The following MGST1 variants were observed in gnomAD, a reference collection of about 807,000 sequenced individuals.
The protein encoded by MGST1 is glutathione S-transferase 12.
MGST1 carries 5 observed loss-of-function variants against 8.9 expected under a neutral mutation model. The ratio of observed to expected loss-of-function variants is 0.56; its 90% confidence interval spans 0.29 to 1.19. The LOEUF (loss-of-function observed/expected upper bound fraction) is 1.19. Ranked by LOEUF, MGST1 falls within the 50% of genes most tolerant of loss-of-function variation. The probability of loss-of-function intolerance (pLI) is 0.08; values close to 1 mark genes in which losing one functional copy is unlikely to be tolerated. For synonymous variants in MGST1, 54 were observed against 67.8 expected (o/e 0.80, Z 1.00); for missense variants, 182 against 187.4 (o/e 0.97, Z 0.17).
intron 3 of MGST1, among the ~76,000 whole-genome samples, chr12:16,372,057 C>G (rs1940302356): frequency 6.6e-6 from 1 of 151,982 alleles, no homozygotes; most frequent in African/African-American, 2.4e-5. Flanking sequence ...AAGCTTAAAT[C>G]TAAGACCTGA....
chr12:16,431,610 G>A (rs543690021), intron 1 of MGST1, among the ~76,000 whole-genome samples: 3 of 152,158 alleles, frequency 2.0e-5, no homozygotes, highest in Admixed American at 6.5e-5. Flanking sequence ...TTGTATGGGC[G>A]CAGTTCACTG....
chr12:16,452,897 G>A (rs1007248660), intron 4 of MGST1, among the ~76,000 whole-genome samples: 23 of 151,844 alleles, frequency 1.5e-4, no homozygotes, highest in African/African-American at 5.6e-4. Flanking sequence ...ATAAAAAGAT[G>A]TGCCTAAATT....
chr12:16,439,968 C>G (rs370852716), downstream of MGST1, among the ~76,000 whole-genome samples: 1 of 151,692 alleles, frequency 6.6e-6, no homozygotes. Context: ...TCTATCAGCT[C>G]CCAGAAAATG....
chr12:16,369,091 A>C (rs746964503), downstream of MGST1, among the ~76,000 whole-genome samples: 8 of 151,998 alleles, frequency 5.3e-5, no homozygotes, highest in Non-Finnish European at 7.4e-5. This position sits in a 1 kb window ranked among gnomAD's most constrained non-coding sequence, Gnocchi z 4.8. Context: ...AAAACCACCC[A>C]AAATAAAGAG....
Position 16,357,716 on chromosome 12 carries a change from T to G in MGST1, c.221+17T>G. On this transcript the variant is annotated intron_variant, in intron 3 of 3. Transcript: ENST00000396210. ...TGTACGCAGGTAAACCAGTGTCTCT[T>G]GAAATTACTTACTTTATGAAACAAT... is the stretch of plus-strand genomic sequence containing the variant. The G allele has an allele frequency of 6.3e-7, 1 of 1,597,646 alleles. No individual in the cohort carries two copies. Among genetic ancestry groups the G allele is most frequent in the Non-Finnish European group, 8.5e-7 (1 of 1,169,732 alleles).
intron 1 of MGST1, among the ~76,000 whole-genome samples, chr12:16,421,532 G>C (rs920962145): frequency 2.0e-5 from 3 of 152,030 alleles, no homozygotes; most frequent in African/African-American, 7.2e-5. Context: ...GCAGATCTAG[G>C]ATCTACAGTG....
chr12:16,522,269 T>A (rs1941653314), intron 4 of MGST1, among the ~76,000 whole-genome samples: 1 of 152,128 alleles, frequency 6.6e-6, no homozygotes, highest in Non-Finnish European at 1.5e-5. Context: ...CATTGAGTCA[T>A]CTAATTTGCT....
rs1333520484 is a variant in MGST1, at chr12:16,537,398, G to A, written n.483-52130G>A. Among the ~76,000 whole-genome samples the A allele has an allele frequency of 3.3e-5, 5 of 152,138 alleles. No homozygotes were observed. Among genetic ancestry groups the A allele is most frequent in the Non-Finnish European group, 7.4e-5 (5 of 68,022 alleles). The stretch of plus-strand genomic sequence containing the variant: ...TCTGTGGCTTTTCCAGTAGCATGGT[G>A]CAAGCTGTGGGATCTACCATTCTGG... On this transcript the variant is annotated intron_variant and non_coding_transcript_variant, in intron 4 of 4. Coordinates refer to the MGST1 transcript ENST00000538857. This position sits in a 1 kb window ranked among gnomAD's most constrained non-coding sequence, Gnocchi z 4.6.
intron 1 of MGST1, among the ~76,000 whole-genome samples, chr12:16,428,488 T>A (rs999128525): frequency 6.6e-6 from 1 of 151,860 alleles, no homozygotes; most frequent in Admixed American, 6.6e-5. Context: ...TTTTTTCTCT[T>A]GGGGATGTTA....
chr12:16,563,291 A>C (rs1215111041), intron 4 of MGST1, among the ~76,000 whole-genome samples: 1 of 152,184 alleles, frequency 6.6e-6, no homozygotes, highest in Non-Finnish European at 1.5e-5. Context: ...ATCATTCTAT[A>C]GCTACATTCG....
At chr12:16,353,757 C>CTTTTTTT (rs11387725) in intron 1 of MGST1, among the ~76,000 whole-genome samples, 1 of 111,462 alleles carries the variant, frequency 9.0e-6, no homozygotes, top group African/African-American at 3.6e-5. Flanking sequence ...ATATTGCATA[C>CTTTTTTT]TTTTTTTTTT....
In MGST1 at chr12:16,503,436, C is replaced by A. The variant is rs2137170587; in HGVS notation, n.483-86092C>A. 6.6e-6 allele frequency among the ~76,000 whole-genome samples: 1 copy of A among 152,234 alleles called. No homozygotes were observed. ...GGCAGAGGTGGTAATCAGTAAAAAT[C>A]TAATCAAAGCACAAAGAAGACAGTC... On this transcript the variant is annotated intron_variant and non_coding_transcript_variant, in intron 4 of 4. Coordinates refer to the MGST1 transcript ENST00000538857. The surrounding 1 kb of genome is among the most constrained non-coding windows in gnomAD (Gnocchi z 4.8).
intron 4 of MGST1, among the ~76,000 whole-genome samples, chr12:16,468,481 G>A (rs1941269454): frequency 6.6e-6 from 1 of 152,092 alleles, no homozygotes; most frequent in South Asian, 2.1e-4. Context: ...AAATGACACT[G>A]AGTACTCATC....
intron 4 of MGST1, among the ~76,000 whole-genome samples, chr12:16,553,798 G>A (rs1942080881): frequency 6.6e-6 from 1 of 151,392 alleles, no homozygotes; most frequent in African/African-American, 2.4e-5. Context: ...ATCTGTAACT[G>A]TGATTTTGTA....
chr12:16,376,001 C>G (rs1940373040), intron 3 of MGST1: 1 of 558,410 alleles, frequency 1.8e-6, no homozygotes, highest in African/African-American at 2.0e-5. Flanking sequence ...ACACAACACC[C>G]ACACACCTAT....
At chr12:16,376,101 TA>T (rs1297643413) in intron 3 of MGST1, 5 of 1,296,800 alleles carry the variant, frequency 3.9e-6, no homozygotes, top group African/African-American at 3.2e-5. Context: ...TTAAAAATCT[TA>T]TTTTTTTTTA....
intron 4 of MGST1, among the ~76,000 whole-genome samples, chr12:16,469,416 T>C (rs1941278304): frequency 6.6e-6 from 1 of 152,178 alleles, no homozygotes; most frequent in South Asian, 2.1e-4. Context: ...CTCAAACTCC[T>C]GACTTCAGAT....
chr12:16,415,312 A>C (rs1348558103), intron 1 of MGST1, among the ~76,000 whole-genome samples: 1 of 152,212 alleles, frequency 6.6e-6, no homozygotes, highest in East Asian at 1.9e-4. Context: ...GTACATTGTG[A>C]ATTACACAGA....
At position 16,364,116 on chromosome 12, in the gene MGST1, T is replaced by G; in HGVS notation, c.*75T>G. 1 of 1,497,074 alleles carries G rather than the reference T, an allele frequency of 6.7e-7. No homozygotes were observed. The highest frequency in any genetic ancestry group is 8.9e-7 in the Non-Finnish European group (1 of 1,122,140). 92.7% of individuals were successfully genotyped at this position (1,497,074 alleles called of 1,614,324 possible). ...TTCCAATTTATAATGAATACTTTCT[T>G]AGATTTTAGGTAGGAGGGGAGCAGA... On this transcript the variant is annotated 3_prime_UTR_variant, in exon 4 of 4. Coordinates refer to ENST00000396210, the MANE Select transcript of MGST1 (RefSeq NM_020300.5). This position sits in a 1 kb window ranked among gnomAD's most constrained non-coding sequence, Gnocchi z 5.7.
Sources: gnomAD v4.1 joint callset for allele counts (sites outside exome capture counted in the v4.1 genomes callset) on GRCh38, gnomAD v4.1.1 for gene constraint, Gnocchi (gnomAD v3.1) non-coding constraint, MANE v1.5 for transcripts, NCBI Gene and HGNC (gene_info 2026-07-23, HGNC 2026-07-21) for gene names.